Variants in AGBL1 observed in about 807,000 individuals in gnomAD.
AGBL1 encodes the protein AGBL carboxypeptidase 1.
In AGBL1, 130 loss-of-function variants were observed where a neutral mutation model predicts 118.9. The observed-to-expected ratio is 1.09, with a 90% CI of 0.95 to 1.26. The LOEUF is 1.26. AGBL1 is among the 50% of genes most tolerant of loss of function. AGBL1 has a pLI of 0.00. For synonymous variants in AGBL1, 555 were observed against 478.9 expected (o/e 1.16, Z -2.08); for missense variants, 1,584 against 1,298.1 (o/e 1.22, Z -3.38).
At chr15:86,890,461 C>T (rs1009621455) in intron 22 of AGBL1, among the ~76,000 whole-genome samples, 4 of 151,982 alleles carry the variant, frequency 2.6e-5, no homozygotes, top group Non-Finnish European at 4.4e-5. Context: ...CTTATAAAAT[C>T]TTTGCCTGTG....
At chr15:86,562,304 T>G (rs1226874667) in intron 21 of AGBL1, among the ~76,000 whole-genome samples, 1 of 152,218 alleles carries the variant, frequency 6.6e-6, no homozygotes, top group Non-Finnish European at 1.5e-5. Flanking sequence ...CTTATTATTT[T>G]GAGATATGTC....
intron 22 of AGBL1, among the ~76,000 whole-genome samples, chr15:86,867,397 T>C (rs142934819): frequency 3.1e-4 from 47 of 152,308 alleles, no homozygotes; most frequent in African/African-American, 1.1e-3. Context: ...AGAATAACTT[T>C]CTGCGTTTTG....
chr15:86,997,374 C>T (rs961182090), intron 24 of AGBL1, among the ~76,000 whole-genome samples: 2 of 152,144 alleles, frequency 1.3e-5, no homozygotes, highest in African/African-American at 4.8e-5. Context: ...CCATCTCTCT[C>T]CCTGAAGTAT....
intron 6 of AGBL1, 106 bp from the exon 7 acceptor site, chr15:86,247,565 C>T (rs973442056): frequency 1.9e-5 from 23 of 1,185,352 alleles, no homozygotes; most frequent in Non-Finnish European, 2.8e-5. Flanking sequence ...TGTTATTATT[C>T]CCTTGATGAT....
intron 18 of AGBL1, among the ~76,000 whole-genome samples, chr15:86,512,658 A>G (rs866652750): frequency 6.6e-6 from 1 of 151,714 alleles, no homozygotes; most frequent in Admixed American, 6.6e-5. Flanking sequence ...AGAAACTACT[A>G]TTATTCATAT....
intron 21 of AGBL1, among the ~76,000 whole-genome samples, chr15:86,587,568 G>A (rs75581337): frequency 6.6e-6 from 1 of 152,160 alleles, no homozygotes; most frequent in Non-Finnish European, 1.5e-5. Flanking sequence ...AGCAGTATAA[G>A]CAAAGGCATA....
chr15:86,949,685 C>G (rs1244201372), intron 23 of AGBL1, among the ~76,000 whole-genome samples: 1 of 151,994 alleles, frequency 6.6e-6, no homozygotes, highest in Admixed American at 6.6e-5. Context: ...TGATCCTTCT[C>G]CATTCTAGAA....
At chr15:86,882,375 A>G (rs1198372162) in intron 22 of AGBL1, among the ~76,000 whole-genome samples, 1 of 152,194 alleles carries the variant, frequency 6.6e-6, no homozygotes, top group Non-Finnish European at 1.5e-5. Context: ...CTATGTACAC[A>G]TTTTATGCCT....
intron 5 of AGBL1, among the ~76,000 whole-genome samples, chr15:86,217,756 A>G (rs7174488): frequency 0.22 from 34,087 of 152,124 alleles, 4,379 homozygotes; most frequent in East Asian, 0.38. Context: ...GAGGTATAGA[A>G]AGCAAGAGAA....
rs192649815 is a variant in AGBL1 at position 86,438,895 on chromosome 15, C to A, written c.2555+41349C>A. 1.0e-3 allele frequency among the ~76,000 whole-genome samples: 153 copies of A among 152,074 alleles called. 1 individual carries two copies. The highest frequency in any genetic ancestry group is 3.5e-3 in the African/African-American group (146 of 41,484). ...CAGGCTGGTCTTGAACTCCTGACCT[C>A]AAGTGATCCACCACCTCGGCCTCCC... On this transcript the variant is annotated intron_variant, in intron 18 of 22. Coordinates refer to ENST00000614907, the MANE Select transcript of AGBL1 (RefSeq NM_001386094.1).
chr15:86,440,075 T>C (rs904686513), intron 18 of AGBL1, among the ~76,000 whole-genome samples: 4 of 152,214 alleles, frequency 2.6e-5, no homozygotes, highest in Non-Finnish European at 4.4e-5. Flanking sequence ...GTTTATTGAC[T>C]AATTTTGCAC....
intron 22 of AGBL1, among the ~76,000 whole-genome samples, chr15:86,902,766 T>A (rs1225276219): frequency 6.6e-6 from 1 of 152,182 alleles, no homozygotes; most frequent in Middle Eastern, 3.2e-3. Context: ...ATGAGAACTT[T>A]GCTGCCATTC....
intron 5 of AGBL1, among the ~76,000 whole-genome samples, chr15:86,160,219 A>T (rs1241470021): frequency 6.6e-6 from 1 of 151,250 alleles, no homozygotes; most frequent in Non-Finnish European, 1.5e-5. Context: ...GGTGGAATTC[A>T]ATTAAATTCT....
chr15:86,866,069 T>C (rs1336575754), intron 22 of AGBL1, among the ~76,000 whole-genome samples: 1 of 152,210 alleles, frequency 6.6e-6, no homozygotes, highest in African/African-American at 2.4e-5. Flanking sequence ...AACATCTTTG[T>C]CATCTACTCT....
intron 20 of AGBL1, among the ~76,000 whole-genome samples, chr15:86,548,838 C>T (rs1303437195): frequency 6.6e-6 from 1 of 151,996 alleles, no homozygotes; most frequent in Non-Finnish European, 1.5e-5. Flanking sequence ...GTTTAATTGG[C>T]TCATGGTTAT....
chr15:86,189,350 C>G (rs140233804), intron 5 of AGBL1, among the ~76,000 whole-genome samples: 5 of 152,288 alleles, frequency 3.3e-5, no homozygotes, highest in South Asian at 4.2e-4. Flanking sequence ...GGGATGAAAA[C>G]TAATCCTACA....
intron 22 of AGBL1, among the ~76,000 whole-genome samples, chr15:86,855,504 C>G (rs2079465604): frequency 6.6e-6 from 1 of 152,206 alleles, no homozygotes; most frequent in South Asian, 2.1e-4. Context: ...TGGAACATGG[C>G]ATCCACGTGG....
chr15:86,500,748 A>G (rs2082908636), intron 18 of AGBL1, among the ~76,000 whole-genome samples: 1 of 151,742 alleles, frequency 6.6e-6, no homozygotes, highest in African/African-American at 2.4e-5. Flanking sequence ...GGTATGATAT[A>G]ATGTATGGCC....
At chr15:87,025,076 ATGATGGCCAC>A (rs1428949653) in intron 24 of AGBL1, among the ~76,000 whole-genome samples, 1 of 152,072 alleles carries the variant, frequency 6.6e-6, no homozygotes, top group African/African-American at 2.4e-5. Context: ...GAACAAGTCA[ATGATGGCCAC>A]TCTCACCACT....
Sources: gnomAD v4.1 joint callset for allele counts (sites outside exome capture counted in the v4.1 genomes callset) on GRCh38, gnomAD v4.1.1 for gene constraint, MANE v1.5 for transcripts, NCBI Gene and HGNC (gene_info 2026-07-23, HGNC 2026-07-21) for gene names.